Variants in QTMAN observed in about 807,000 individuals in gnomAD.
QTMAN encodes the protein tRNA-queuosine alpha-mannosyltransferase.
the QTMAN span, among the ~76,000 whole-genome samples, chr2:144,176,588 C>G: frequency 6.6e-6 from 1 of 152,134 alleles, no homozygotes. Flanking sequence ...AAGCTCAACA[C>G]CATCATCCAA....
chr2:144,085,574 A>C, the QTMAN span, among the ~76,000 whole-genome samples: 1 of 152,176 alleles, frequency 6.6e-6, no homozygotes, highest in Non-Finnish European at 1.5e-5. Flanking sequence ...TTGTTATGTA[A>C]TTCAACTATA....
the QTMAN span, among the ~76,000 whole-genome samples, chr2:144,197,342 T>G: frequency 6.6e-6 from 1 of 152,088 alleles, no homozygotes; most frequent in African/African-American, 2.4e-5. Context: ...TATGTAGATA[T>G]ATGTATGTGT....
chr2:144,203,426 C>A, the QTMAN span, among the ~76,000 whole-genome samples: 1 of 152,026 alleles, frequency 6.6e-6, no homozygotes, highest in African/African-American at 2.4e-5. Flanking sequence ...TGGAAGAAGC[C>A]CTAAGGGCCA....
the QTMAN span, among the ~76,000 whole-genome samples, chr2:144,036,241 T>C: frequency 6.6e-6 from 1 of 152,350 alleles, no homozygotes; most frequent in South Asian, 2.1e-4. Context: ...CTTGCCTCTC[T>C]TGAAATGATA....
the QTMAN span, among the ~76,000 whole-genome samples, chr2:144,127,728 A>T: frequency 6.6e-6 from 1 of 151,982 alleles, no homozygotes; most frequent in Admixed American, 6.6e-5. Context: ...CTCTCACATG[A>T]TCCTCACTTG....
At chr2:144,222,890 G>A in the QTMAN span, among the ~76,000 whole-genome samples, 3 of 152,190 alleles carry the variant, frequency 2.0e-5, no homozygotes, top group East Asian at 5.8e-4. Context: ...AGCGAGGACT[G>A]ATTGGATAGT....
At chr2:144,182,643 CAAA>C in the QTMAN span, among the ~76,000 whole-genome samples, 1 of 34,972 alleles carries the variant, frequency 2.9e-5, no homozygotes. Flanking sequence ...GACTCCGTCT[CAAA>C]AAAAAAAAAA....
At chr2:144,210,429 A>C in the QTMAN span, among the ~76,000 whole-genome samples, 1 of 152,240 alleles carries the variant, frequency 6.6e-6, no homozygotes, top group Non-Finnish European at 1.5e-5. Context: ...TTTTAAGTTC[A>C]GTAATTTTCA....
At chr2:144,184,595 T>A in the QTMAN span, among the ~76,000 whole-genome samples, 1 of 152,204 alleles carries the variant, frequency 6.6e-6, no homozygotes, top group Non-Finnish European at 1.5e-5. Context: ...GTATTTCTTT[T>A]CCTTTTTGGA....
the QTMAN span, among the ~76,000 whole-genome samples, chr2:144,182,769 C>A: frequency 2.9e-5 from 3 of 102,354 alleles, no homozygotes; most frequent in Non-Finnish European, 4.1e-5. Flanking sequence ...GCATCCACAG[C>A]AAGTTATCAG....
the QTMAN span, among the ~76,000 whole-genome samples, chr2:144,329,639 G>A: frequency 6.6e-6 from 1 of 152,180 alleles, no homozygotes; most frequent in African/African-American, 2.4e-5. Flanking sequence ...ATATCAGAGT[G>A]ACTAACATAA....
At chr2:143,939,602 T>C in the QTMAN span, 1 of 152,248 alleles carries the variant, frequency 6.6e-6, no homozygotes, top group Non-Finnish European at 1.5e-5. Flanking sequence ...GAAAGTATTA[T>C]ATGGTCCTCT....
At chr2:144,180,347 C>G in the QTMAN span, among the ~76,000 whole-genome samples, 1 of 151,986 alleles carries the variant, frequency 6.6e-6, no homozygotes, top group African/African-American at 2.4e-5. Flanking sequence ...TCGATGAAAT[C>G]TTTCACATGT....
At chr2:144,038,708 T>TA in the QTMAN span, among the ~76,000 whole-genome samples, 1 of 152,176 alleles carries the variant, frequency 6.6e-6, no homozygotes, top group Non-Finnish European at 1.5e-5. Context: ...CCTGTGGACT[T>TA]ACCACATACA....
chr2:144,001,773 A>G, the QTMAN span, among the ~76,000 whole-genome samples: 1 of 151,720 alleles, frequency 6.6e-6, no homozygotes, highest in South Asian at 2.1e-4. Context: ...GGTCTGAGAG[A>G]GTTGACTTAT....
the QTMAN span, among the ~76,000 whole-genome samples, chr2:144,075,664 AT>A: frequency 6.6e-6 from 1 of 152,210 alleles, no homozygotes; most frequent in African/African-American, 2.4e-5. Flanking sequence ...TTCACCTTTT[AT>A]TCAATTCATT....
chr2:144,282,842 C>T, the QTMAN span, among the ~76,000 whole-genome samples: 1 of 151,990 alleles, frequency 6.6e-6, no homozygotes, highest in African/African-American at 2.4e-5. Context: ...CCATCCTATG[C>T]GGAGGGGAAA....
chr2:144,100,698 G>A, the QTMAN span, among the ~76,000 whole-genome samples: 2 of 152,044 alleles, frequency 1.3e-5, no homozygotes, highest in South Asian at 2.1e-4. Context: ...TATGCACATC[G>A]TGTTGACTTA....
chr2:144,145,884 T>C, the QTMAN span: 3 of 458,200 alleles, frequency 6.5e-6, no homozygotes, highest in South Asian at 1.7e-4. Flanking sequence ...TAATACCATG[T>C]AGCAGCATTC....
Sources: allele counts gnomAD v4.1 joint callset (sites outside exome capture counted in the v4.1 genomes callset), GRCh38; gene constraint gnomAD v4.1.1; transcripts MANE v1.5; gene names NCBI Gene and HGNC (gene_info 2026-07-23, HGNC 2026-07-21).